The following MAP2K6 variants were observed in gnomAD, a reference collection of about 807,000 sequenced individuals.
MAP2K6 encodes the protein mitogen-activated protein kinase kinase 6.
In MAP2K6, 16 loss-of-function variants were observed where a neutral mutation model predicts 53.7. The observed-to-expected ratio is 0.30, with a 90% confidence interval of 0.20 to 0.45. The LOEUF (loss-of-function observed/expected upper bound fraction) is 0.45, where lower values mean the gene tolerates loss of function less well. Among genes scored for constraint, MAP2K6 ranks in the 20% least tolerant of loss-of-function variants. The probability of loss-of-function intolerance (pLI) is 1.00; values close to 1 mark genes in which losing one functional copy is unlikely to be tolerated. For missense variants in MAP2K6, 204 were observed against 411.9 expected (o/e 0.50, Z 4.37); for synonymous variants, 132 against 143.1 (o/e 0.92, Z 0.55).
chr17:69,526,733 T>C (rs1332318481), intron 10 of MAP2K6, 24 bp downstream of exon 10: 2 of 1,605,904 alleles, frequency 1.2e-6, no homozygotes, highest in Non-Finnish European at 1.7e-6. Flanking sequence ...ACCTCCCAAG[T>C]GTCAGTGTGA....
At chr17:69,468,045 C>T (rs1269071797) in intron 1 of MAP2K6, among the ~76,000 whole-genome samples, 1 of 152,216 alleles carries the variant, frequency 6.6e-6, no homozygotes, top group Non-Finnish European at 1.5e-5. Context: ...GAATTACAGG[C>T]ATGAGCCATC....
chr17:69,446,731 C>A (rs1374444525), intron 1 of MAP2K6, among the ~76,000 whole-genome samples: 1 of 152,162 alleles, frequency 6.6e-6, no homozygotes, highest in Non-Finnish European at 1.5e-5. Context: ...TTTTGGGTAT[C>A]ATTTGAGTAC....
At chr17:69,510,587 AT>A (rs147092434) in intron 2 of MAP2K6, among the ~76,000 whole-genome samples, 52 of 149,814 alleles carry the variant, frequency 3.5e-4, no homozygotes, top group African/African-American at 9.3e-4. Context: ...ATGAGCCTGG[AT>A]TTTTTTTTTC....
intron 1 of MAP2K6, among the ~76,000 whole-genome samples, chr17:69,424,211 T>C (rs1906189597): frequency 1.3e-5 from 2 of 152,164 alleles, no homozygotes; most frequent in Admixed American, 6.5e-5. Context: ...ATTGGGTATA[T>C]TTAGGAGAGA....
chr17:69,510,111 G>A (rs1012056761), intron 2 of MAP2K6, among the ~76,000 whole-genome samples: 1 of 152,172 alleles, frequency 6.6e-6, no homozygotes, highest in Non-Finnish European at 1.5e-5. Flanking sequence ...CTCCCAAAGT[G>A]CTGGGATTAC....
chr17:69,528,887 A>G (rs2521364), intron 10 of MAP2K6, among the ~76,000 whole-genome samples: 76,741 of 132,606 alleles, frequency 0.58, 23,039 homozygotes, highest in Middle Eastern at 0.71. Flanking sequence ...AAAAAAAAAA[A>G]AGATGAGGCA....
At chr17:69,466,146 C>T (rs1907794757) in intron 1 of MAP2K6, among the ~76,000 whole-genome samples, 1 of 149,340 alleles carries the variant, frequency 6.7e-6, no homozygotes, top group Non-Finnish European at 1.5e-5. Context: ...ATTAGCCAAG[C>T]ATGGTGGCGC....
intron 1 of MAP2K6, among the ~76,000 whole-genome samples, chr17:69,497,671 C>T (rs1186128578): frequency 6.6e-6 from 1 of 152,162 alleles, no homozygotes; most frequent in African/African-American, 2.4e-5. Context: ...GTTTCTCTCT[C>T]CACCACTTTT....
chr17:69,442,065 G>C (rs1906837051), intron 1 of MAP2K6, among the ~76,000 whole-genome samples: 1 of 152,104 alleles, frequency 6.6e-6, no homozygotes. Context: ...CTCTCCCTGT[G>C]GGGAGAGGAA....
At chr17:69,526,745 A>G in intron 10 of MAP2K6, 36 bp downstream of exon 10, 1 of 1,600,054 alleles carries the variant, frequency 6.2e-7, no homozygotes, top group Non-Finnish European at 8.5e-7. Flanking sequence ...TCAGTGTGAA[A>G]GAAGAAGATG....
chr17:69,502,658 A>C, intron 1 of MAP2K6: 1 of 985,410 alleles, frequency 1.0e-6, no homozygotes, highest in Non-Finnish European at 1.2e-6. Flanking sequence ...GAGGCTGGCA[A>C]TTTCAACTAG....
intron 11 of MAP2K6, among the ~76,000 whole-genome samples, chr17:69,537,988 G>T (rs906816583): frequency 6.6e-6 from 1 of 151,994 alleles, no homozygotes; most frequent in Non-Finnish European, 1.5e-5. Context: ...AGTTATTCTT[G>T]TAGGATACTA....
chr17:69,418,813 T>C (rs1361287465), intron 1 of MAP2K6, among the ~76,000 whole-genome samples: 1 of 152,188 alleles, frequency 6.6e-6, no homozygotes, highest in African/African-American at 2.4e-5. Flanking sequence ...AGGCTTTGAA[T>C]GTCCAGTTCT....
Position 69,548,441 on chromosome 17 carries a change from TC to T in MAP2K6, c.*6689del, listed in dbSNP as rs1441606531. ...TGACCGAAGCTTTCTCATTTTTTTT[TC>T]TTCCAGAACAATAGCACACATCTTG... On this transcript the variant is annotated 3_prime_UTR_variant, in exon 12 of 12. Coordinates refer to ENST00000590474, the MANE Select transcript of MAP2K6 (RefSeq NM_002758.4). The T allele has an allele frequency of 3.3e-5, 5 of 151,836 alleles. No individual in the cohort carries two copies. Among genetic ancestry groups the T allele is most frequent in the African/African-American group, 1.2e-4 (5 of 41,358 alleles). The allele number at this position is 151,836 out of a possible 1,614,324, so 9.4% of individuals were successfully genotyped here.
intron 2 of MAP2K6, among the ~76,000 whole-genome samples, chr17:69,509,819 A>G (rs1004233331): frequency 1.3e-5 from 2 of 151,976 alleles, no homozygotes; most frequent in African/African-American, 4.8e-5. Context: ...ACCTCTCAGT[A>G]TACTGAGAGG....
intron 1 of MAP2K6, among the ~76,000 whole-genome samples, chr17:69,475,492 G>A (rs926410206): frequency 6.6e-6 from 1 of 152,208 alleles, no homozygotes; most frequent in Non-Finnish European, 1.5e-5. Context: ...AAATGAAAAT[G>A]GTTCTAAACT....
intron 1 of MAP2K6, among the ~76,000 whole-genome samples, chr17:69,447,656 A>T (rs180786159): frequency 6.6e-6 from 1 of 152,280 alleles, no homozygotes; most frequent in East Asian, 1.9e-4. Flanking sequence ...AGGAATTGGA[A>T]TTTGATGATT....
rs1254838726 is a variant in MAP2K6 at position 69,526,795 on chromosome 17, T to C, written c.881+86T>C. ...TCTTCCATCGGGGTTGAATCCATCA[T>C]GCATACATTCATTCCGAAAGCATTT... is the stretch of plus-strand genomic sequence containing the variant. On this transcript the variant is annotated intron_variant, in intron 10 of 11. Coordinates refer to ENST00000590474, the MANE Select transcript of MAP2K6 (RefSeq NM_002758.4). 1.4e-5 allele frequency: 21 copies of C among 1,465,596 alleles called. No homozygotes were observed. The Middle Eastern group carries it at 1.3e-3, about 88-fold the overall frequency. The allele number at this position is 1,465,596 out of a possible 1,614,324, so 90.8% of individuals were successfully genotyped here. A position where few individuals can be genotyped will look rare whatever the true frequency, so the allele number is the denominator to read the frequency against.
intron 1 of MAP2K6, among the ~76,000 whole-genome samples, chr17:69,485,011 A>G (rs999340474): frequency 3.9e-5 from 6 of 152,092 alleles, no homozygotes; most frequent in Non-Finnish European, 8.8e-5. Context: ...ATGGATTGTG[A>G]TGATGGTTGC....
Sources: gnomAD v4.1 joint callset for allele counts (sites outside exome capture counted in the v4.1 genomes callset) on GRCh38, gnomAD v4.1.1 for gene constraint, MANE v1.5 for transcripts, NCBI Gene and HGNC (gene_info 2026-07-23, HGNC 2026-07-21) for gene names.